Variants in HCN2 observed in about 807,000 individuals in gnomAD.
HCN2 encodes the protein hyperpolarization activated cyclic nucleotide gated potassium and sodium channel 2.
A neutral mutation model predicts 52.3 loss-of-function variants in HCN2; 20 were observed. That is an observed-to-expected ratio of 0.38 (90% CI 0.27 to 0.56). The LOEUF is 0.56. Ranked by LOEUF, HCN2 falls within the 20% of genes least tolerant of loss-of-function variation. The pLI, the probability that HCN2 is intolerant of heterozygous loss-of-function variation, is 0.71. For synonymous variants in HCN2, 694 were observed against 537.0 expected (o/e 1.29, Z -4.04); for missense variants, 981 against 1,207.7 (o/e 0.81, Z 2.78).
Position 616,432 on chromosome 19 carries a change from C to A in HCN2, c.2628C>A (p.Asp876Glu). 3 of 1,246,276 alleles carry A rather than the reference C, an allele frequency of 2.4e-6. No homozygotes were observed. Among genetic ancestry groups the A allele is most frequent in the Non-Finnish European group, 3.0e-6 (3 of 992,436 alleles). The allele number at this position is 1,246,276 out of a possible 1,614,324, so 77.2% of individuals were successfully genotyped here. ...SASPGAAGGL[D>E]PQDSARSRLS... ...CACCCGGCGCCGCCGGCGGCCTGGA[C>A]CCCCAGGACTCCGCGCGCTCGCGCC... Residue 876 changes from aspartate (D) to glutamate (E), a missense_variant, in exon 8 of 8, where the codon GAC becomes GAA. By Grantham distance (45) the Asp-to-Glu change is conservative (BLOSUM62 2). Transcript: ENST00000251287.
In HCN2 at chr19:616,960, G is replaced by T; in HGVS notation, c.*486G>T. The T allele has an allele frequency of 2.3e-6, 1 of 440,242 alleles. No individual in the cohort carries two copies. Among genetic ancestry groups the T allele is most frequent in the Non-Finnish European group, 4.2e-6 (1 of 238,868 alleles). The allele number at this position is 440,242 out of a possible 1,614,324, so 27.3% of individuals were successfully genotyped here. On this transcript the variant is annotated 3_prime_UTR_variant, in exon 8 of 8. Coordinates refer to ENST00000251287, the MANE Select transcript of HCN2 (RefSeq NM_001194.4). ...CCGCGCGCGTCCCCCGGTGACCTCG[G>T]GGAGCAGCACCCCGCCTCCCTCCAG...
intron 4 of HCN2, among the ~76,000 whole-genome samples, chr19:609,525 G>A (rs1479392562): frequency 6.6e-6 from 1 of 152,242 alleles, no homozygotes; most frequent in Non-Finnish European, 1.5e-5. Flanking sequence ...CGGCACTCTG[G>A]GAGGCCGAGA....
At chr19:610,537 T>C (rs1289671005) in intron 5 of HCN2, 132 bp downstream of exon 5, 9 of 747,714 alleles carry the variant, frequency 1.2e-5, no homozygotes, top group Admixed American at 2.6e-5. Context: ...GAGCTAGACC[T>C]GCGTACACAC....
chr19:613,789 C>T (rs1388630578), intron 6 of HCN2, 63 bp from the exon 7 acceptor site: 13 of 1,418,306 alleles, frequency 9.2e-6, no homozygotes, highest in South Asian at 1.5e-5. Context: ...GGCCGTGTGC[C>T]TGGGCGGGGA....
intron 4 of HCN2, among the ~76,000 whole-genome samples, chr19:608,987 C>T (rs1476215238): frequency 6.6e-6 from 1 of 152,196 alleles, no homozygotes; most frequent in African/African-American, 2.4e-5. Flanking sequence ...GGAGTTGGGC[C>T]TCATGCACCA....
At position 613,316 on chromosome 19, in the gene HCN2, C is replaced by G; in HGVS notation, c.1653C>G (p.Asn551Lys). The change falls in exon 6 of 8, where the codon AAC becomes AAG. Residue 551 changes from asparagine to lysine, a missense_variant. Physicochemically the swap from Asn to Lys is moderately conservative, Grantham distance 94. Around this residue, in one of 6 missense-constraint regions of HCN2, gnomAD observed 282 missense variants for 553.8 expected, o/e 0.51. Transcript: ENST00000251287. ...CGCTGTTCGCCAACGCCGACCCCAACTTCGTCACGGCCATGCTGACCAAGC... is the reference window on the plus strand; with the variant it reads ...CGCTGTTCGCCAACGCCGACCCCAAGTTCGTCACGGCCATGCTGACCAAGC... ...SMPLFANADP[N>K]FVTAMLTKLK... The G allele has an allele frequency of 5.6e-6, 9 of 1,613,084 alleles. No individual in the cohort carries two copies. Among genetic ancestry groups the G allele is most frequent in the Non-Finnish European group, 7.6e-6 (9 of 1,179,918 alleles).
At chr19:607,602 C>T (rs1983465476) in intron 3 of HCN2, among the ~76,000 whole-genome samples, 1 of 152,230 alleles carries the variant, frequency 6.6e-6, no homozygotes. Context: ...GGTGTCTCTG[C>T]CCGCCCTGCC....
intron 1 of HCN2, among the ~76,000 whole-genome samples, chr19:601,828 G>A (rs564956227): frequency 4.0e-5 from 6 of 149,180 alleles, no homozygotes; most frequent in African/African-American, 9.8e-5. Context: ...TGTCTGGCCC[G>A]CCATACGCAG....
rs1027385871 is a variant in HCN2, at chr19:590,024, C to G, written c.79C>G (p.Pro27Ala). Residue 27 changes from proline (P) to alanine (A), a missense_variant, in exon 1 of 8, where the codon CCG becomes GCG. Pro to Ala is a conservative substitution (Grantham distance 27, BLOSUM62 -1). Around this residue, in one of 6 missense-constraint regions of HCN2, gnomAD observed 215 missense variants for 179.4 expected, o/e 1.20. Transcript: ENST00000251287. The surrounding 1 kb of genome is among the most constrained non-coding windows in gnomAD (Gnocchi z 7.2). ...TPAPGPPPPP[P>A]PAPPQQQPPP... The stretch of plus-strand genomic sequence containing the variant: ...CGCGCCGGGGCCGCCGCCGCCGCCG[C>G]CGCCCGCGCCCCCCCAACAGCAGCC... 51 of 602,180 alleles carry G rather than the reference C, an allele frequency of 8.5e-5. No homozygotes were observed. In the African/African-American group the frequency reaches 1.1e-3, roughly 13 times the overall value. The allele number at this position is 602,180 out of a possible 1,614,324, so 37.3% of individuals were successfully genotyped here. A position where few individuals can be genotyped will look rare whatever the true frequency, so the allele number is the denominator to read the frequency against.
rs1982810870 is a variant in HCN2 at position 589,932 on chromosome 19, G to C, written c.-14G>C. ...GCGGCGGCTCCGCTCCGCACTGCCC[G>C]GCGCCGCCTCGCCATGGACGCGCGC... On this transcript the variant is annotated 5_prime_UTR_variant, in exon 1 of 8. Coordinates refer to ENST00000251287, the MANE Select transcript of HCN2 (RefSeq NM_001194.4). 3.3e-6 allele frequency: 3 copies of C among 922,602 alleles called. No homozygotes were observed. The highest frequency in any genetic ancestry group is 2.1e-5 in the African/African-American group (1 of 48,640). The allele number at this position is 922,602 out of a possible 1,614,324, so 57.2% of individuals were successfully genotyped here. A position where few individuals can be genotyped will look rare whatever the true frequency, so the allele number is the denominator to read the frequency against.
In HCN2 at chr19:617,096, C is replaced by T. The variant is rs1303885567; in HGVS notation, c.*622C>T. 4 of 485,408 alleles carry T rather than the reference C, an allele frequency of 8.2e-6. No homozygotes were observed. Among genetic ancestry groups the T allele is most frequent in the African/African-American group, 6.4e-5 (3 of 46,922 alleles). 30.1% of individuals were successfully genotyped at this position (485,408 alleles called of 1,614,324 possible). A position where few individuals can be genotyped will look rare whatever the true frequency, so the allele number is the denominator to read the frequency against. ...CGAGGCAGCAGTGCCCCCACCGTGGCCCCCCACGCCCCATTAACCCCCACA... is the reference window on the plus strand; with the variant it reads ...CGAGGCAGCAGTGCCCCCACCGTGGTCCCCCACGCCCCATTAACCCCCACA... On this transcript the variant is annotated 3_prime_UTR_variant, in exon 8 of 8. Coordinates refer to ENST00000251287, the MANE Select transcript of HCN2 (RefSeq NM_001194.4).
Position 617,085 on chromosome 19 carries a change from C to T in HCN2, c.*611C>T, listed in dbSNP as rs1255424094. The stretch of plus-strand genomic sequence containing the variant: ...TACTGACGAGCCGAGGCAGCAGTGC[C>T]CCCACCGTGGCCCCCCACGCCCCAT... On this transcript the variant is annotated 3_prime_UTR_variant, in exon 8 of 8. Transcript: ENST00000251287. 6.7e-6 allele frequency: 4 copies of T among 599,444 alleles called. No individual in the cohort carries two copies. The East Asian group carries it at 8.6e-5, about 13-fold the overall frequency. 37.1% of individuals were successfully genotyped at this position (599,444 alleles called of 1,614,324 possible).
intron 5 of HCN2, among the ~76,000 whole-genome samples, 160 bp downstream of exon 5, chr19:610,565 G>A (rs889514499): frequency 5.9e-5 from 9 of 152,030 alleles, no homozygotes; most frequent in East Asian, 1.9e-4. Flanking sequence ...TCCCCGCCCC[G>A]TGAGCCTCTG....
At chr19:609,628 G>A (rs1428313904) in intron 4 of HCN2, among the ~76,000 whole-genome samples, 1 of 152,206 alleles carries the variant, frequency 6.6e-6, no homozygotes, top group Admixed American at 6.5e-5. Context: ...TAGCAGGGCA[G>A]GGTGGTGCAC....
rs1292944086 is a variant in HCN2, at chr19:604,302, T to TGG, written c.1056+336_1056+337insGG. On this transcript the variant is annotated intron_variant, in intron 2 of 7. Transcript: ENST00000251287. ...GGTCAAGGCCCCAGGGATGGGGCTA[T>TGG]GAGAGATCTGGGTGGGGTCAAGGCC... 2.2e-4 allele frequency among the ~76,000 whole-genome samples: 27 copies of TGG among 125,442 alleles called. 1 individual carries two copies. Among genetic ancestry groups the TGG allele is most frequent in the Admixed American group, 1.0e-3 (13 of 12,436 alleles). 82.3% of individuals were successfully genotyped at this position (125,442 alleles called of 152,430 possible). A position where few individuals can be genotyped will look rare whatever the true frequency, so the allele number is the denominator to read the frequency against.
chr19:597,268 G>A (rs1162359601), intron 1 of HCN2, among the ~76,000 whole-genome samples: 1 of 152,246 alleles, frequency 6.6e-6, no homozygotes, highest in Non-Finnish European at 1.5e-5. Context: ...GTGGTTTCCA[G>A]ACAGTGTGGG....
In HCN2 at chr19:603,730, G is replaced by A. The variant is rs151158991; in HGVS notation, c.819G>A (p.Thr273=). ...CCGGCATTGTGATCGAGGACAACAC[G>A]GAGATCATCCTGGACCCCGAGAAGA... is the stretch of plus-strand genomic sequence containing the variant. ...FRTGIVIEDN[T]EIILDPEKIK... is the part of the protein sequence containing the mutation. Residue 273 remains threonine (T), a synonymous_variant, in exon 2 of 8, where the codon ACG becomes ACA. Coordinates refer to ENST00000251287, the MANE Select transcript of HCN2 (RefSeq NM_001194.4). The A allele has an allele frequency of 1.4e-5, 22 of 1,612,904 alleles. No homozygotes were observed. In the African/African-American group the frequency reaches 1.5e-4, roughly 11 times the overall value.
intron 1 of HCN2, among the ~76,000 whole-genome samples, chr19:602,464 C>T (rs1225190987): frequency 4.6e-5 from 7 of 152,054 alleles, no homozygotes; most frequent in Non-Finnish European, 1.0e-4. Flanking sequence ...GGAAATGCAG[C>T]CGGTGCTGCC....
intron 4 of HCN2, among the ~76,000 whole-genome samples, chr19:608,805 G>C (rs988806607): frequency 1.3e-5 from 2 of 152,158 alleles, no homozygotes; most frequent in Admixed American, 6.5e-5. Context: ...AGGACACGCC[G>C]GTGGCCGGCA....
Sources: gnomAD v4.1 joint callset for allele counts (sites outside exome capture counted in the v4.1 genomes callset) on GRCh38, gnomAD v4.1.1 for gene constraint, gnomAD v4.1.1 regional missense constraint, Gnocchi (gnomAD v3.1) non-coding constraint, MANE v1.5 for transcripts, NCBI Gene and HGNC (gene_info 2026-07-23, HGNC 2026-07-21) for gene names.